The following CCNL2 variants were observed in gnomAD, a reference collection of about 807,000 sequenced individuals.
The protein encoded by CCNL2 is cyclin L2.
In CCNL2, 28 loss-of-function variants were observed where a neutral mutation model predicts 59.1. The observed-to-expected ratio is 0.47, with a 90% CI of 0.35 to 0.65. The LOEUF is 0.65. CCNL2 is among the 30% of genes least tolerant of loss of function. The probability of loss-of-function intolerance (pLI) is 0.00; values close to 1 mark genes in which losing one functional copy is unlikely to be tolerated. For missense variants in CCNL2, 714 were observed against 717.4 expected (o/e 1.00, Z 0.05); for synonymous variants, 342 against 288.6 (o/e 1.19, Z -1.88).
chr1:1,398,642 G>T lies in CCNL2; in HGVS notation c.318C>A (p.Phe106Leu), dbSNP rs758105469. 6.2e-7 allele frequency: 1 copy of T among 1,613,990 alleles called. No individual in the cohort carries two copies. The highest frequency in any genetic ancestry group is 1.1e-5 in the South Asian group (1 of 91,086). ...QVAMATGQVL[F>L]QRFFYTKSFV... ...AGGACTTGGTATAAAAGAACCGCTG[G>T]AACAACACCTGCCCGGTAGCCATGG... Residue 106 changes from phenylalanine (F) to leucine (L), a missense_variant, in exon 2 of 11, where the codon TTC becomes TTA. This residue lies in a region of CCNL2 where 270 missense variants were observed against 254.9 expected (regional missense o/e 1.06). Coordinates refer to ENST00000400809, the MANE Select transcript of CCNL2 (RefSeq NM_030937.6).
At chr1:1,398,704 C>A in intron 1 of CCNL2, 33 bp from the exon 2 acceptor site, 1 of 1,592,462 alleles carries the variant, frequency 6.3e-7, no homozygotes, top group South Asian at 1.1e-5. Context: ...TATTTTCAAA[C>A]GCACCATTCA....
At chr1:1,392,098 G>A (rs949096196) in intron 5 of CCNL2, 4 of 171,094 alleles carry the variant, frequency 2.3e-5, no homozygotes, top group Admixed American at 6.2e-5. Context: ...GCAGCTCCAG[G>A]CATCACGGGG....
intron 4 of CCNL2, among the ~76,000 whole-genome samples, chr1:1,394,752 G>GAAA (rs745453245): frequency 0.048 from 2,057 of 42,762 alleles, 51 homozygotes; most frequent in East Asian, 0.12. Flanking sequence ...TCCGTCTCAA[G>GAAA]AAAAAAAAAA....
chr1:1,390,535 A>T lies in CCNL2; in HGVS notation c.788T>A (p.Phe263Tyr). 6.2e-7 allele frequency: 1 copy of T among 1,613,848 alleles called. No individual in the cohort carries two copies. The highest frequency in any genetic ancestry group is 8.5e-7 in the Non-Finnish European group (1 of 1,179,916). ...EIPLPNRPHW[F>Y]LLFGATEEEI... Reference sequence around the variant, plus strand: ...TTCTTCAGTTGCTCCAAACAAAAGAAACCAATGGGGACGATTGGGCAAAGG... The same window carrying T: ...TTCTTCAGTTGCTCCAAACAAAAGATACCAATGGGGACGATTGGGCAAAGG... The change falls in exon 7 of 11, where the codon TTT (phenylalanine) becomes TAT (tyrosine). Residue 263 changes from phenylalanine to tyrosine, a missense_variant. Phe to Tyr is a conservative substitution (Grantham distance 22). Coordinates refer to ENST00000400809, the MANE Select transcript of CCNL2 (RefSeq NM_030937.6).
chr1:1,387,015 C>T lies in CCNL2; in HGVS notation c.*216G>A, dbSNP rs1348778854. ...CACGGGCCCAGGTGTGCGCCGCACCCCAGACCGGTCTGAAGCACGTGTCAC... is the reference window on the plus strand; with the variant it reads ...CACGGGCCCAGGTGTGCGCCGCACCTCAGACCGGTCTGAAGCACGTGTCAC... On this transcript the variant is annotated 3_prime_UTR_variant, in exon 11 of 11. Transcript: ENST00000400809. 9.2e-6 allele frequency: 5 copies of T among 541,312 alleles called. No homozygotes were observed. Among genetic ancestry groups the T allele is most frequent in the Non-Finnish European group, 1.6e-5 (5 of 305,780 alleles). 33.5% of individuals were successfully genotyped at this position (541,312 alleles called of 1,614,324 possible).
rs754255381 is a variant in CCNL2 at position 1,387,499 on chromosome 1, G to C, written c.1295C>G (p.Ala432Gly). The C allele has an allele frequency of 6.3e-7, 1 of 1,586,672 alleles. No individual in the cohort carries two copies. The highest frequency in any genetic ancestry group is 1.1e-5 in the South Asian group (1 of 88,324). Residue 432 changes from alanine (A) to glycine (G), a missense_variant, in exon 11 of 11, where the codon GCC (alanine) becomes GGC (glycine). Physicochemically the swap from Ala to Gly is moderately conservative, Grantham distance 60. Coordinates refer to ENST00000400809, the MANE Select transcript of CCNL2 (RefSeq NM_030937.6). ...RSRSDSPPRQ[A>G]PRSAPYKGSE... Reference sequence around the variant, plus strand: ...GCCTTTGTAGGGAGCGCTGCGGGGGGCCTGTCTCGGTGGGGAGTCACTCCT... The same window carrying C: ...GCCTTTGTAGGGAGCGCTGCGGGGGCCCTGTCTCGGTGGGGAGTCACTCCT...
chr1:1,391,789 A>AAC, intron 5 of CCNL2: 2 of 334,432 alleles, frequency 6.0e-6, no homozygotes, highest in East Asian at 9.3e-5. Flanking sequence ...CTAAGATTTA[A>AAC]TAGACTAAAA....
intron 3 of CCNL2, among the ~76,000 whole-genome samples, chr1:1,396,711 C>G (rs1320883637): frequency 2.0e-5 from 3 of 150,790 alleles, no homozygotes; most frequent in African/African-American, 7.3e-5. Context: ...TCCCGAATAG[C>G]TGGGATTACA....
chr1:1,398,806 G>A (rs944302961), intron 1 of CCNL2, 135 bp from the exon 2 acceptor site: 50 of 1,234,556 alleles, frequency 4.1e-5, no homozygotes, highest in South Asian at 2.6e-4. Context: ...AAGGCTCTTC[G>A]CGTCCCGCCG....
intron 5 of CCNL2, chr1:1,391,531 G>C (rs570719841): frequency 7.7e-7 from 1 of 1,304,602 alleles, no homozygotes; most frequent in East Asian, 5.6e-5. Flanking sequence ...GCCTCTTCTC[G>C]GGCTCATCAG....
At chr1:1,398,196 G>T in intron 3 of CCNL2, 37 bp downstream of exon 3, 1 of 1,580,560 alleles carries the variant, frequency 6.3e-7, no homozygotes, top group Non-Finnish European at 8.7e-7. Context: ...AAGAAAATAG[G>T]CATCTATGAT....
At chr1:1,391,554 C>G in intron 5 of CCNL2, 2 of 1,305,290 alleles carry the variant, frequency 1.5e-6, no homozygotes, top group South Asian at 1.2e-5. Context: ...CCGCTGCCAA[C>G]TGTCCCATTT....
At chr1:1,390,667 C>A in intron 6 of CCNL2, 99 bp downstream of exon 6, 3 of 1,483,766 alleles carry the variant, frequency 2.0e-6, no homozygotes, top group Non-Finnish European at 2.8e-6. Context: ...ATGCTTTGGC[C>A]CAGATTAGAG....
At chr1:1,388,476 A>G (rs1324618280) in intron 8 of CCNL2, 1 of 452,512 alleles carries the variant, frequency 2.2e-6, no homozygotes. Flanking sequence ...AGCCGAGATC[A>G]CGCCACAGTA....
chr1:1,392,467 A>C, intron 5 of CCNL2: 3 of 1,229,374 alleles, frequency 2.4e-6, no homozygotes, highest in Non-Finnish European at 3.1e-6. Context: ...TTGTCTCTTC[A>C]ATTCTCACAG....
chr1:1,388,277 C>T (rs1470176808), intron 8 of CCNL2: 4 of 564,350 alleles, frequency 7.1e-6, no homozygotes, highest in East Asian at 3.0e-5. Context: ...GAGCCCAGCA[C>T]TTCGGGAGGC....
In CCNL2 at chr1:1,399,220, G is replaced by A; in HGVS notation, c.87C>T (p.Pro29=). ...CGATCAGCACCCCCTGCGACCCTGA[G>A]GGTGCGCCCCCAGATCCCGGGGCGC... The part of the protein sequence containing the change: ...AAGAPGSGGA[P]SGSQGVLIGD... Residue 29 remains proline, a synonymous_variant, in exon 1 of 11, where the codon CCC becomes CCT. Transcript: ENST00000400809. 6.2e-7 allele frequency: 1 copy of A among 1,601,976 alleles called. No homozygotes were observed. The highest frequency in any genetic ancestry group is 8.5e-7 in the Non-Finnish European group (1 of 1,175,590).
chr1:1,387,393 G>A lies in CCNL2; in HGVS notation c.1401C>T (p.Ser467=), dbSNP rs139865828. ...KPHKSRSRSS[S]RSRSRSRERA... ...GCTCCCGTGACCTGCTTCGAGAACGGGAAGAACTCCGGCTCCGAGACTTGT... is the reference window on the plus strand; with the variant it reads ...GCTCCCGTGACCTGCTTCGAGAACGAGAAGAACTCCGGCTCCGAGACTTGT... The change falls in exon 11 of 11, where the codon TCC becomes TCT. Residue 467 remains serine, a synonymous_variant. Transcript: ENST00000400809. 6.2e-7 allele frequency: 1 copy of A among 1,614,028 alleles called. No homozygotes were observed. Among genetic ancestry groups the A allele is most frequent in the Non-Finnish European group, 8.5e-7 (1 of 1,180,040 alleles).
At position 1,390,468 on chromosome 1, in the gene CCNL2, A is replaced by G; in HGVS notation, c.855T>C (p.Ala285=). 5 of 1,613,204 alleles carry G rather than the reference A, an allele frequency of 3.1e-6. No homozygotes were observed. Among genetic ancestry groups the G allele is most frequent in the Non-Finnish European group, 4.2e-6 (5 of 1,179,708 alleles). ...AAAAATGCCGAAGAACCTTTTTCCGAGCATAAAGCTGCAAGATCTTTAAGC... is the reference window on the plus strand; with the variant it reads ...AAAAATGCCGAAGAACCTTTTTCCGGGCATAAAGCTGCAAGATCTTTAAGC... ...EICLKILQLY[A]RKKVDLTHLE... Residue 285 remains alanine (A), a synonymous_variant, in exon 7 of 11, where the codon GCT becomes GCC. Transcript: ENST00000400809.
Sources: gnomAD v4.1 joint callset for allele counts (sites outside exome capture counted in the v4.1 genomes callset) on GRCh38, gnomAD v4.1.1 for gene constraint, gnomAD v4.1.1 regional missense constraint, MANE v1.5 for transcripts, NCBI Gene and HGNC (gene_info 2026-07-23, HGNC 2026-07-21) for gene names.